The following NLRP3 variants were observed in gnomAD, a reference collection of about 807,000 sequenced individuals.
NLRP3 encodes the protein NLR family pyrin domain containing 3.
In NLRP3, 48 loss-of-function variants were observed where a neutral mutation model predicts 91.3. That is an observed-to-expected ratio of 0.53 (90% CI 0.42 to 0.67). NLRP3 has a LOEUF of 0.67. NLRP3 is among the 30% of genes least tolerant of loss of function. The probability of loss-of-function intolerance (pLI) is 0.00; values close to 1 mark genes in which losing one functional copy is unlikely to be tolerated. For missense variants in NLRP3, 982 were observed against 1,276.9 expected (o/e 0.77, Z 3.52); for synonymous variants, 561 against 507.9 (o/e 1.10, Z -1.41).
At chr1:247,421,628 A>G (rs143395824) in intron 2 of NLRP3, among the ~76,000 whole-genome samples, 1 of 152,310 alleles carries the variant, frequency 6.6e-6, no homozygotes, top group Non-Finnish European at 1.5e-5. Flanking sequence ...CAAGTGAATG[A>G]GGTGAGCCTG....
chr1:247,444,349 G>A (rs1664456329), intron 8 of NLRP3, among the ~76,000 whole-genome samples: 1 of 152,122 alleles, frequency 6.6e-6, no homozygotes, highest in African/African-American at 2.4e-5. Context: ...ACAGTTTTCT[G>A]TACCACAAAA....
At chr1:247,440,005 A>G (rs1417628611) in intron 7 of NLRP3, among the ~76,000 whole-genome samples, 2 of 152,286 alleles carry the variant, frequency 1.3e-5, no homozygotes, top group African/African-American at 4.8e-5. Flanking sequence ...TGTTAGGTAC[A>G]GCCATACATG....
chr1:247,425,895 T>G lies in NLRP3; in HGVS notation c.2150+296T>G, dbSNP rs530305646. ...GCCTACAAATATTTGTCAACTGAAA[T>G]TTCTTGTAAGCTACTTGGAGCACTA... On this transcript the variant is annotated intron_variant, in intron 4 of 9. Coordinates refer to ENST00000336119, the MANE Select transcript of NLRP3 (RefSeq NM_001243133.2). This position sits in a 1 kb window ranked among gnomAD's most constrained non-coding sequence, Gnocchi z 4.1. 4.8e-6 allele frequency: 2 copies of G among 420,468 alleles called. No individual in the cohort carries two copies. The highest frequency in any genetic ancestry group is 2.0e-5 in the African/African-American group (1 of 49,500). 26.0% of individuals were successfully genotyped at this position (420,468 alleles called of 1,614,324 possible).
chr1:247,439,045 C>T (rs10802500), intron 7 of NLRP3, among the ~76,000 whole-genome samples: 28 of 150,358 alleles, frequency 1.9e-4, no homozygotes, highest in Admixed American at 8.6e-4. Flanking sequence ...TCCATCCATC[C>T]ATCCATCCAT....
chr1:247,431,305 T>C (rs2103142158), intron 5 of NLRP3, among the ~76,000 whole-genome samples: 1 of 152,346 alleles, frequency 6.6e-6, no homozygotes, highest in Non-Finnish European at 1.5e-5. Context: ...TTTCATTCCC[T>C]GCTCTGTGGA....
In NLRP3 at chr1:247,434,207, G is replaced by A. The variant is rs200206415; in HGVS notation, c.2426G>A (p.Gly809Asp). 23 of 1,614,122 alleles carry A rather than the reference G, an allele frequency of 1.4e-5. No individual in the cohort carries two copies. Among genetic ancestry groups the A allele is most frequent in the Non-Finnish European group, 1.6e-5 (19 of 1,180,050 alleles). Residue 809 changes from glycine (G) to aspartate (D), a missense_variant, in exon 6 of 10, where the codon GGT becomes GAT. By Grantham distance (94) the Gly-to-Asp change is moderately conservative. Coordinates refer to ENST00000336119, the MANE Select transcript of NLRP3 (RefSeq NM_001243133.2). ...CTGGACCTGAGTGACAACGCCCTCG[G>A]TGACTTCGGAATCAGACTTCTGTGT... Reference protein sequence around the residue: ...VELDLSDNALGDFGIRLLCVG... With the variant: ...VELDLSDNALDDFGIRLLCVG...
Position 247,422,329 on chromosome 1 carries a change from T to C in NLRP3, c.278-901T>C, listed in dbSNP as rs1004944991. On this transcript the variant is annotated intron_variant, in intron 2 of 9. Transcript: ENST00000336119. Reference sequence around the variant, plus strand: ...AGGAGGTTGAGGCTGCAGGGAGCCATGATTGTGTCATTGCACTCCAGCCTG... The same window carrying C: ...AGGAGGTTGAGGCTGCAGGGAGCCACGATTGTGTCATTGCACTCCAGCCTG... Among the ~76,000 whole-genome samples, 4 of 149,532 alleles carry C rather than the reference T, an allele frequency of 2.7e-5. No homozygotes were observed. In the Admixed American group the frequency reaches 2.7e-4, roughly 10 times the overall value.
chr1:247,424,818 G>A lies in NLRP3; in HGVS notation c.1369G>A (p.Glu457Lys), dbSNP rs1662746118. 6.2e-7 allele frequency: 1 copy of A among 1,608,262 alleles called. No individual in the cohort carries two copies. The highest frequency in any genetic ancestry group is 1.3e-5 in the African/African-American group (1 of 74,940). ...SLLQPRGGSQ[E>K]HGLCAHLWGL... ...GCTGCAGCCCCGGGGAGGGAGCCAGGAGCACGGCCTCTGCGCCCACCTCTG... is the reference window on the plus strand; with the variant it reads ...GCTGCAGCCCCGGGGAGGGAGCCAGAAGCACGGCCTCTGCGCCCACCTCTG... The change falls in exon 4 of 10, where the codon GAG becomes AAG. Residue 457 changes from glutamate to lysine, a missense_variant. Glu to Lys is a moderately conservative substitution (Grantham distance 56). Coordinates refer to ENST00000336119, the MANE Select transcript of NLRP3 (RefSeq NM_001243133.2). This position sits in a 1 kb window ranked among gnomAD's most constrained non-coding sequence, Gnocchi z 8.1.
chr1:247,418,280 A>C lies in NLRP3; in HGVS notation c.-521A>C, dbSNP rs1213765045. On this transcript the variant is annotated 5_prime_UTR_variant, in exon 2 of 10. Coordinates refer to ENST00000336119, the MANE Select transcript of NLRP3 (RefSeq NM_001243133.2). Reference sequence around the variant, plus strand: ...CACACTCCTGGATCGAGCCAACAGGAGAACTTTCTGGTAAGCATTTGGCTA... The same window carrying C: ...CACACTCCTGGATCGAGCCAACAGGCGAACTTTCTGGTAAGCATTTGGCTA... The C allele has an allele frequency of 1.4e-5, 3 of 210,136 alleles. No individual in the cohort carries two copies. The highest frequency in any genetic ancestry group is 2.5e-4 in the East Asian group (2 of 8,142). The allele number at this position is 210,136 out of a possible 1,614,324, so 13.0% of individuals were successfully genotyped here. A position where few individuals can be genotyped will look rare whatever the true frequency, so the allele number is the denominator to read the frequency against.
intron 2 of NLRP3, among the ~76,000 whole-genome samples, chr1:247,422,735 G>A (rs557246769): frequency 1.8e-4 from 28 of 152,306 alleles, no homozygotes; most frequent in African/African-American, 5.8e-4. Context: ...AAATAGACTG[G>A]TCGTTCTCAC....
chr1:247,426,637 C>T (rs953579064), intron 4 of NLRP3, among the ~76,000 whole-genome samples: 10 of 152,222 alleles, frequency 6.6e-5, no homozygotes, highest in Non-Finnish European at 8.8e-5. Context: ...TGACTGCCCA[C>T]AGGGCCGCAG....
In NLRP3 at chr1:247,424,452, A is replaced by G. The variant is rs766356926; in HGVS notation, c.1003A>G (p.Arg335Gly). Residue 335 changes from arginine to glycine, a missense_variant, in exon 4 of 10, where the codon AGA (arginine) becomes GGA (glycine). Arg to Gly is a moderately radical substitution (Grantham distance 125). Around this residue, in one of 5 missense-constraint regions of NLRP3, gnomAD observed 548 missense variants for 713.7 expected, o/e 0.77. Coordinates refer to ENST00000336119, the MANE Select transcript of NLRP3 (RefSeq NM_001243133.2). This position sits in a 1 kb window ranked among gnomAD's most constrained non-coding sequence, Gnocchi z 8.1. ...AGACATTCTCCTGAGCAGCCTCATCAGAAAGAAGCTGCTTCCCGAGGCCTC... is the reference window on the plus strand; with the variant it reads ...AGACATTCTCCTGAGCAGCCTCATCGGAAAGAAGCTGCTTCCCGAGGCCTC... The part of the protein sequence containing the change: ...RGDILLSSLI[R>G]KKLLPEASLL... 6.2e-7 allele frequency: 1 copy of G among 1,614,212 alleles called. No homozygotes were observed. The highest frequency in any genetic ancestry group is 8.5e-7 in the Non-Finnish European group (1 of 1,180,034).
At position 247,442,371 on chromosome 1, in the gene NLRP3, T is replaced by G. The variant is rs150420303; in HGVS notation, c.2664-1601T>G. 5.7e-3 allele frequency among the ~76,000 whole-genome samples: 870 copies of G among 152,298 alleles called. 9 individuals carry two copies. The highest frequency in any genetic ancestry group is 0.01 in the Non-Finnish European group (702 of 68,000). The stretch of plus-strand genomic sequence containing the variant: ...AGGAAGGAGGCAATCACCTGCGCTA[T>G]TCCTGGCTTCATGGAATAGAAGCAT... On this transcript the variant is annotated intron_variant, in intron 7 of 9. Transcript: ENST00000336119.
In NLRP3 at chr1:247,423,421, C is replaced by T. The variant is rs111719836; in HGVS notation, c.397+72C>T. ...CAGGAGGCTCTGGGAAGCTGAGCAG[C>T]TGGGTAACTTGGCCATACTATAGGT... On this transcript the variant is annotated intron_variant, in intron 3 of 9. Transcript: ENST00000336119. 3.1e-6 allele frequency: 5 copies of T among 1,591,180 alleles called. No individual in the cohort carries two copies. The African/African-American group carries it at 5.4e-5, about 17-fold the overall frequency.
Position 247,445,179 on chromosome 1 carries a change from CTTG to C in NLRP3, c.3005+364_3005+366del, listed in dbSNP as rs574275654. 3.6e-3 allele frequency among the ~76,000 whole-genome samples: 550 copies of C among 152,066 alleles called. 2 individuals are homozygous for C. The highest frequency in any genetic ancestry group is 0.013 in the African/African-American group (532 of 41,500). On this transcript the variant is annotated intron_variant, in intron 9 of 9. Coordinates refer to ENST00000336119, the MANE Select transcript of NLRP3 (RefSeq NM_001243133.2). ...GGAAGGGTCTTTACATAGTGGGGAT[CTTG>C]TTGTTTTGTTTCTGAGGATTTATTT...
rs201875324 is a variant in NLRP3, at chr1:247,425,419, C to A, written c.1970C>A (p.Thr657Asn). 2 of 1,614,214 alleles carry A rather than the reference C, an allele frequency of 1.2e-6. No homozygotes were observed. Among genetic ancestry groups the A allele is most frequent in the Non-Finnish European group, 1.7e-6 (2 of 1,180,044 alleles). The part of the protein sequence containing the change: ...YFPKIEINLS[T>N]RMDHMVSSFC... ...CCCAAGATTGAGATCAATCTCTCCA[C>A]CAGAATGGACCACATGGTTTCTTCC... The change falls in exon 4 of 10, where the codon ACC becomes AAC. Residue 657 changes from threonine to asparagine, a missense_variant. Transcript: ENST00000336119. This position sits in a 1 kb window ranked among gnomAD's most constrained non-coding sequence, Gnocchi z 4.1.
chr1:247,427,834 T>C (rs3938743), intron 4 of NLRP3, among the ~76,000 whole-genome samples: 5,088 of 10,348 alleles, frequency 0.49, 1,244 homozygotes, highest in Admixed American at 0.68. Flanking sequence ...CAGACTCTGA[T>C]TGGAGCCCTG....
intron 9 of NLRP3, among the ~76,000 whole-genome samples, chr1:247,447,549 C>T (rs1186995124): frequency 1.3e-5 from 2 of 152,098 alleles, no homozygotes; most frequent in South Asian, 2.1e-4. Context: ...AGTTAAGTTG[C>T]AAGGGAAACT....
chr1:247,435,406 A>G (rs1295048186), intron 6 of NLRP3, among the ~76,000 whole-genome samples: 1 of 152,246 alleles, frequency 6.6e-6, no homozygotes, highest in Non-Finnish European at 1.5e-5. Flanking sequence ...AAAGAATTCT[A>G]GTACACACTA....
Sources: gnomAD v4.1 joint callset for allele counts (sites outside exome capture counted in the v4.1 genomes callset) on GRCh38, gnomAD v4.1.1 for gene constraint, gnomAD v4.1.1 regional missense constraint, Gnocchi (gnomAD v3.1) non-coding constraint, MANE v1.5 for transcripts, NCBI Gene and HGNC (gene_info 2026-07-23, HGNC 2026-07-21) for gene names.